The following IKZF2 variants were observed in gnomAD, a reference collection of about 807,000 sequenced individuals.
IKZF2 encodes the protein IKAROS family zinc finger 2, also known as zinc finger protein Helios.
In IKZF2, 15 loss-of-function variants were observed where a neutral mutation model predicts 49.2. That is an observed-to-expected ratio of 0.30 (90% CI 0.20 to 0.47). The LOEUF is 0.47. IKZF2 is among the 20% of genes least tolerant of loss of function. The pLI, the probability that IKZF2 is intolerant of heterozygous loss-of-function variation, is 1.00. For synonymous variants in IKZF2, 227 were observed against 221.4 expected (o/e 1.03, Z -0.23); for missense variants, 567 against 664.6 (o/e 0.85, Z 1.61).
intron 4 of IKZF2, among the ~76,000 whole-genome samples, chr2:213,079,485 G>GA (rs11307880): frequency 7.1e-6 from 1 of 141,068 alleles, no homozygotes; most frequent in East Asian, 2.0e-4. Context: ...GGGGGAGAGA[G>GA]AAAAAAAGAA....
intron 6 of IKZF2, among the ~76,000 whole-genome samples, chr2:213,030,473 CT>C (rs1184969983): frequency 1.3e-5 from 2 of 151,966 alleles, no homozygotes; most frequent in Non-Finnish European, 2.9e-5. Flanking sequence ...TTTTATCTCT[CT>C]AAGGACAGTT....
intron 5 of IKZF2, among the ~76,000 whole-genome samples, chr2:213,055,660 A>G (rs1701076312): frequency 6.6e-6 from 1 of 152,088 alleles, no homozygotes; most frequent in African/African-American, 2.4e-5. Context: ...GTGTCTGAAC[A>G]AAACCAGTAT....
chr2:213,106,017 A>G (rs1352928177), intron 4 of IKZF2, among the ~76,000 whole-genome samples: 2 of 152,226 alleles, frequency 1.3e-5, no homozygotes, highest in East Asian at 1.9e-4. Flanking sequence ...TTCTTCAATC[A>G]GTATATTTTT....
At chr2:213,028,824 CATG>C (rs1424920749) in intron 6 of IKZF2, among the ~76,000 whole-genome samples, 1 of 152,078 alleles carries the variant, frequency 6.6e-6, no homozygotes, top group Non-Finnish European at 1.5e-5. Context: ...TGATAACCAT[CATG>C]ATGAGGAAGT....
intron 6 of IKZF2, among the ~76,000 whole-genome samples, chr2:213,035,052 T>C (rs1414517054): frequency 6.6e-6 from 1 of 152,230 alleles, no homozygotes; most frequent in East Asian, 1.9e-4. Flanking sequence ...AAAGAATATG[T>C]ATTTGTATAT....
intron 4 of IKZF2, among the ~76,000 whole-genome samples, chr2:213,144,350 T>C (rs934724692): frequency 6.6e-6 from 1 of 151,912 alleles, no homozygotes; most frequent in Non-Finnish European, 1.5e-5. Flanking sequence ...AGTAAATTTA[T>C]ACATAAACAT....
chr2:213,129,953 T>C (rs181695304), intron 4 of IKZF2, among the ~76,000 whole-genome samples: 118 of 152,288 alleles, frequency 7.7e-4, no homozygotes, highest in Admixed American at 3.2e-3. Flanking sequence ...ATCTACAGTA[T>C]CTAAAGAAAT....
At chr2:213,091,884 C>CTG (rs140812184) in intron 4 of IKZF2, among the ~76,000 whole-genome samples, 2,841 of 149,826 alleles carry the variant, frequency 0.019, 91 homozygotes, top group African/African-American at 0.065. Flanking sequence ...AGAGTATAAG[C>CTG]TGTGTGTGTG....
At chr2:213,131,039 G>A (rs2060460423) in intron 4 of IKZF2, among the ~76,000 whole-genome samples, 1 of 152,124 alleles carries the variant, frequency 6.6e-6, no homozygotes, top group African/African-American at 2.4e-5. Flanking sequence ...GTAACAAATT[G>A]CTTGGACATA....
intron 4 of IKZF2, among the ~76,000 whole-genome samples, chr2:213,105,601 G>C (rs762562286): frequency 1.4e-3 from 219 of 151,284 alleles, no homozygotes; most frequent in Middle Eastern, 6.8e-3. Flanking sequence ...GGGGGGGGTG[G>C]TATGTCAGTA....
chr2:213,035,635 T>C (rs1183610140), intron 6 of IKZF2, among the ~76,000 whole-genome samples: 1 of 152,126 alleles, frequency 6.6e-6, no homozygotes, highest in Non-Finnish European at 1.5e-5. Context: ...TCTAGGATCA[T>C]CCATTAGTTC....
At chr2:213,089,685 T>C (rs1032463266) in intron 4 of IKZF2, among the ~76,000 whole-genome samples, 1 of 152,120 alleles carries the variant, frequency 6.6e-6, no homozygotes, top group African/African-American at 2.4e-5. Flanking sequence ...TTTGTAACCA[T>C]GTACATGCAT....
chr2:213,003,645 TG>T lies in IKZF2; in HGVS notation c.*3714del, dbSNP rs769528911. The T allele has an allele frequency of 2.2e-4, 33 of 151,692 alleles. No homozygotes were observed. The highest frequency in any genetic ancestry group is 4.0e-4 in the Non-Finnish European group (27 of 67,716). 9.4% of individuals were successfully genotyped at this position (151,692 alleles called of 1,614,324 possible). On this transcript the variant is annotated 3_prime_UTR_variant, in exon 9 of 9. Coordinates refer to ENST00000434687, the MANE Select transcript of IKZF2 (RefSeq NM_001387220.1). Reference sequence around the variant, plus strand: ...TTTGGAGATAGGATGAAATAAAATTTGGAAGATAGTGAGAACATAATAATTT... The same window carrying T: ...TTTGGAGATAGGATGAAATAAAATTTGAAGATAGTGAGAACATAATAATTT...
intron 6 of IKZF2, among the ~76,000 whole-genome samples, chr2:213,047,201 C>A (rs891017029): frequency 5.3e-5 from 8 of 152,118 alleles, no homozygotes; most frequent in Non-Finnish European, 1.2e-4. Flanking sequence ...TGCTATACTG[C>A]CTTCAACCAG....
chr2:213,093,850 C>T (rs1019344166), intron 4 of IKZF2, among the ~76,000 whole-genome samples: 4 of 152,200 alleles, frequency 2.6e-5, no homozygotes, highest in Admixed American at 1.3e-4. Context: ...ACTACATGAC[C>T]TTGAACTTTC....
chr2:213,038,185 C>T (rs1427544735), intron 6 of IKZF2, among the ~76,000 whole-genome samples: 3 of 152,084 alleles, frequency 2.0e-5, no homozygotes, highest in Non-Finnish European at 2.9e-5. Context: ...CTCAGCCTCC[C>T]GTAGCTGGAA....
At chr2:213,076,856 C>T (rs773996594) in intron 4 of IKZF2, among the ~76,000 whole-genome samples, 2 of 152,126 alleles carry the variant, frequency 1.3e-5, no homozygotes, top group Non-Finnish European at 2.9e-5. Flanking sequence ...GAGCGGAGAT[C>T]GCGCCACTGC....
chr2:213,087,403 A>T (rs774014639), intron 4 of IKZF2, among the ~76,000 whole-genome samples: 28 of 152,206 alleles, frequency 1.8e-4, no homozygotes, highest in Non-Finnish European at 3.5e-4. Context: ...GAGGAAAAAA[A>T]TGCAACTCAT....
chr2:213,019,157 TAGA>T (rs1381052654), intron 7 of IKZF2, among the ~76,000 whole-genome samples: 4 of 152,078 alleles, frequency 2.6e-5, no homozygotes, highest in Non-Finnish European at 5.9e-5. Flanking sequence ...AATTCCATAC[TAGA>T]AGAACAACAC....
Sources: gnomAD v4.1 joint callset for allele counts (sites outside exome capture counted in the v4.1 genomes callset) on GRCh38, gnomAD v4.1.1 for gene constraint, MANE v1.5 for transcripts, NCBI Gene and HGNC (gene_info 2026-07-23, HGNC 2026-07-21) for gene names.